Variants in PCGF3 observed in about 807,000 individuals in gnomAD.
The protein encoded by PCGF3 is polycomb group RING finger protein 3.
PCGF3 carries 7 observed loss-of-function variants against 33.1 expected under a neutral mutation model. That is an observed-to-expected ratio of 0.21 (90% CI 0.12 to 0.40). PCGF3 has a LOEUF of 0.40. Among genes scored for constraint, PCGF3 ranks in the 10% least tolerant of loss-of-function variants. The pLI is 1.00. For synonymous variants in PCGF3, 153 were observed against 121.3 expected (o/e 1.26, Z -1.72); for missense variants, 211 against 313.3 (o/e 0.67, Z 2.46).
At chr4:761,299 T>C (rs1745043784) in exon 9 of PCGF3, 1 of 1,598,706 alleles carries the variant, frequency 6.3e-7, no homozygotes, top group African/African-American at 1.3e-5. Flanking sequence ...GCCTGGAGTG[T>C]AACAGCAGCA....
intron 1 of PCGF3, chr4:722,405 G>T: frequency 5.0e-6 from 1 of 198,990 alleles, no homozygotes; most frequent in Non-Finnish European, 1.0e-5. Flanking sequence ...CAGCGGCGTG[G>T]CTGGCGTGCG....
intron 4 of PCGF3, chr4:734,497 A>AAG (rs1407681935): frequency 8.2e-7 from 1 of 1,218,310 alleles, no homozygotes; most frequent in Non-Finnish European, 1.0e-6. Flanking sequence ...TTTAACGTTA[A>AAG]TCGTATTTTT....
At chr4:761,701 C>G (rs1201011826) in intron 9 of PCGF3, 1 of 985,254 alleles carries the variant, frequency 1.0e-6, no homozygotes, top group East Asian at 1.1e-4. Context: ...TTCCTCAAAA[C>G]GAGAAATTCT....
chr4:743,434 C>G, intron 6 of PCGF3, 40 bp from the exon 7 acceptor site: 1 of 1,186,108 alleles, frequency 8.4e-7, no homozygotes. Context: ...ATAGAATCCA[C>G]TGCCTGTGAG....
intron 3 of PCGF3, chr4:731,364 C>G: frequency 2.5e-6 from 1 of 398,782 alleles, no homozygotes; most frequent in Admixed American, 4.4e-5. Context: ...CACTTGGGTT[C>G]CCGGCGTGTC....
chr4:712,247 G>A (rs1394104761), intron 1 of PCGF3, among the ~76,000 whole-genome samples: 2 of 152,176 alleles, frequency 1.3e-5, no homozygotes, highest in Non-Finnish European at 2.9e-5. Context: ...ACTGAATTAT[G>A]CAAATGCCAA....
chr4:734,446 T>G (rs1743748610), intron 4 of PCGF3: 1 of 1,273,648 alleles, frequency 7.9e-7, no homozygotes, highest in African/African-American at 1.5e-5. Flanking sequence ...TATTTCTCAC[T>G]TTAGGAAATA....
intron 1 of PCGF3, among the ~76,000 whole-genome samples, chr4:713,168 G>T: frequency 7.2e-6 from 1 of 137,978 alleles, no homozygotes; most frequent in South Asian, 2.5e-4. Context: ...CCTGTGTGGC[G>T]TCATGGGGGC....
At chr4:762,019 C>G (rs1745088483) in intron 9 of PCGF3, 1 of 985,286 alleles carries the variant, frequency 1.0e-6, no homozygotes, top group African/African-American at 1.7e-5. Context: ...AGGCCAGCGC[C>G]AGGAGTTGCA....
At chr4:731,318 G>A (rs1203621243) in intron 3 of PCGF3, 3 of 398,440 alleles carry the variant, frequency 7.5e-6, no homozygotes, top group Non-Finnish European at 1.3e-5. Context: ...ATGGCAGTGC[G>A]GGGTGCAGAG....
At chr4:751,569 A>G (rs1237317666) in intron 8 of PCGF3, among the ~76,000 whole-genome samples, 1 of 151,536 alleles carries the variant, frequency 6.6e-6, no homozygotes, top group Non-Finnish European at 1.5e-5. Flanking sequence ...AGCCCTCCTC[A>G]GTCACTCGGA....
At chr4:718,339 C>T (rs2109539748) in intron 1 of PCGF3, among the ~76,000 whole-genome samples, 1 of 152,168 alleles carries the variant, frequency 6.6e-6, no homozygotes, top group East Asian at 1.9e-4. Flanking sequence ...CCTGGGCCTC[C>T]TGGACAGCTG....
exon 11 of PCGF3, chr4:768,631 A>G (rs1464062448): frequency 6.6e-6 from 1 of 152,370 alleles, no homozygotes; most frequent in African/African-American, 2.4e-5. Context: ...TTTCATGGAC[A>G]TAGAAAATTC....
chr4:711,647 C>T lies in PCGF3; in HGVS notation c.-190+5677C>T, dbSNP rs546545510. On this transcript the variant is annotated intron_variant, in intron 1 of 10. Coordinates refer to ENST00000362003, the Ensembl canonical transcript of PCGF3. ...TAATTTTTTGTATTTTTAGTAGAGA[C>T]GGGGTTTCACCTTGTTAGCCAGGAT... Among the ~76,000 whole-genome samples, 840 of 149,668 alleles carry T rather than the reference C, an allele frequency of 5.6e-3. 6 individuals carry two copies. The highest frequency in any genetic ancestry group is 7.2e-3 in the Non-Finnish European group (485 of 67,478).
chr4:744,555 A>G (rs1744231047), intron 7 of PCGF3, 45 bp from the exon 8 acceptor site: 5 of 1,409,726 alleles, frequency 3.5e-6, no homozygotes, highest in Middle Eastern at 1.7e-4. Context: ...AAATGGCTTG[A>G]CAGTTTGGAT....
In PCGF3 at chr4:752,868, G is replaced by A. The variant is rs183881397; in HGVS notation, c.462+8180G>A. 2.2e-4 allele frequency among the ~76,000 whole-genome samples: 34 copies of A among 152,366 alleles called. No individual in the cohort carries two copies. In the East Asian group the frequency reaches 4.0e-3, roughly 18 times the overall value. ...AAACACTCGGCCTCCGCCCATCTTC[G>A]TTTTCAGAGCCTCGGGATTGCCAGT... On this transcript the variant is annotated intron_variant, in intron 8 of 10. Transcript: ENST00000362003.
At chr4:761,660 G>A in intron 9 of PCGF3, 4 of 985,252 alleles carry the variant, frequency 4.1e-6, no homozygotes, top group Non-Finnish European at 4.8e-6. Flanking sequence ...GGGCGGGGAT[G>A]ATGAGACTGT....
At chr4:731,606 T>G (rs1440614079) in intron 3 of PCGF3, among the ~76,000 whole-genome samples, 3 of 70,120 alleles carry the variant, frequency 4.3e-5, no homozygotes, top group Admixed American at 1.6e-4. Context: ...GGGGCTCCCC[T>G]CCCCTCGTGG....
chr4:753,938 C>T (rs533916130), intron 8 of PCGF3, among the ~76,000 whole-genome samples: 73 of 152,316 alleles, frequency 4.8e-4, no homozygotes, highest in South Asian at 2.9e-3. Flanking sequence ...TGACCTTCTA[C>T]GAACCCTACA....
Sources: allele counts gnomAD v4.1 joint callset (sites outside exome capture counted in the v4.1 genomes callset), GRCh38; gene constraint gnomAD v4.1.1; transcripts MANE v1.5; gene names NCBI Gene and HGNC (gene_info 2026-07-23, HGNC 2026-07-21).